Variants in FAM227B observed in about 807,000 individuals in gnomAD.
FAM227B encodes the protein family with sequence similarity 227 member B, also known as protein FAM227B.
Under a neutral mutation model 73.8 loss-of-function variants are expected in FAM227B, and 88 were observed. The observed-to-expected ratio is 1.19, with a 90% CI of 1.00 to 1.42. The LOEUF (loss-of-function observed/expected upper bound fraction) is 1.42. FAM227B is among the 40% of genes most tolerant of loss of function. The pLI is 0.00. For synonymous variants in FAM227B, 210 were observed against 190.5 expected (o/e 1.10, Z -0.84); for missense variants, 632 against 590.9 (o/e 1.07, Z -0.72).
rs1567245118 is a variant in FAM227B, at chr15:49,422,179, TGCACGC to T, written c.1013-50786_1013-50781del. Among the ~76,000 whole-genome samples the T allele has an allele frequency of 6.5e-3, 765 of 117,226 alleles. 6 individuals carry two copies. Among genetic ancestry groups the T allele is most frequent in the Middle Eastern group, 0.034 (7 of 206 alleles). 76.9% of individuals were successfully genotyped at this position (117,226 alleles called of 152,430 possible). On this transcript the variant is annotated intron_variant, in intron 11 of 15. Coordinates refer to ENST00000299338, the MANE Select transcript of FAM227B (RefSeq NM_152647.3). ...GTGTGTGTGTGCGCGCGCGCGCGCG[TGCACGC>T]GTGTGTGTTTTGAGGAGTATATAAC...
chr15:49,402,740 T>G (rs2048256023), intron 11 of FAM227B, among the ~76,000 whole-genome samples: 1 of 152,176 alleles, frequency 6.6e-6, no homozygotes, highest in South Asian at 2.1e-4. Flanking sequence ...GAAAGATAAT[T>G]TGACTTCCTC....
chr15:49,466,207 G>C (rs1483346694), intron 11 of FAM227B, among the ~76,000 whole-genome samples: 1 of 152,212 alleles, frequency 6.6e-6, no homozygotes, highest in Non-Finnish European at 1.5e-5. Flanking sequence ...CCTCAGACCT[G>C]TTGGATCAGA....
rs368402971 is a variant in FAM227B at position 49,568,589 on chromosome 15, T to C, written c.646-243A>G. Among the ~76,000 whole-genome samples, 40 of 152,048 alleles carry C rather than the reference T, an allele frequency of 2.6e-4. 1 individual carries two copies. The highest frequency in any genetic ancestry group is 9.7e-4 in the African/African-American group (40 of 41,438). The stretch of plus-strand genomic sequence containing the variant: ...GTCAAATGTAGGTAATATATACTTA[T>C]CTTAAAGGCGTGCAGTAAAATTAAA... On this transcript the variant is annotated intron_variant, in intron 8 of 15. Transcript: ENST00000299338.
chr15:49,391,177 G>GA (rs1256386101), intron 11 of FAM227B, among the ~76,000 whole-genome samples: 1 of 151,878 alleles, frequency 6.6e-6, no homozygotes, highest in African/African-American at 2.4e-5. Flanking sequence ...TATTAAGCAG[G>GA]AAAAAAACCA....
chr15:49,376,757 C>G (rs1555459804), intron 11 of FAM227B, among the ~76,000 whole-genome samples: 1 of 151,852 alleles, frequency 6.6e-6, no homozygotes. Flanking sequence ...TTTTTTCATT[C>G]ATTTAGGTCT....
chr15:49,418,986 T>G (rs143680122), intron 11 of FAM227B, among the ~76,000 whole-genome samples: 1 of 152,198 alleles, frequency 6.6e-6, no homozygotes, highest in Non-Finnish European at 1.5e-5. Flanking sequence ...AAGAGTTTTA[T>G]GTATGGCCAA....
At chr15:49,544,764 A>G (rs984521228) in intron 9 of FAM227B, among the ~76,000 whole-genome samples, 3 of 152,104 alleles carry the variant, frequency 2.0e-5, no homozygotes, top group Non-Finnish European at 2.9e-5. Flanking sequence ...TGAGATAAAC[A>G]TATGCTTTTT....
intron 14 of FAM227B, among the ~76,000 whole-genome samples, chr15:49,333,832 T>C (rs1022304269): frequency 5.3e-5 from 8 of 152,204 alleles, no homozygotes; most frequent in African/African-American, 1.7e-4. Flanking sequence ...TAGTTTAATT[T>C]ATAAAATAAA....
intron 6 of FAM227B, chr15:49,577,219 T>A: frequency 3.4e-6 from 1 of 297,496 alleles, no homozygotes. Context: ...ATCACTTGAA[T>A]CTGGGAGGCA....
At chr15:49,332,224 A>G (rs1248363276) in intron 14 of FAM227B, among the ~76,000 whole-genome samples, 2 of 152,152 alleles carry the variant, frequency 1.3e-5, no homozygotes, top group South Asian at 2.1e-4. Flanking sequence ...GCAGTGGCAC[A>G]TCCTCTTCAG....
chr15:49,569,260 A>AT (rs34834624), intron 8 of FAM227B, among the ~76,000 whole-genome samples: 16,186 of 151,728 alleles, frequency 0.11, 1,214 homozygotes, highest in East Asian at 0.36. Flanking sequence ...AGTCTTCCCT[A>AT]TTTTTTAATA....
At chr15:49,376,462 TATTTC>T (rs1355696703) in intron 11 of FAM227B, among the ~76,000 whole-genome samples, 2 of 152,084 alleles carry the variant, frequency 1.3e-5, no homozygotes, top group African/African-American at 4.8e-5. Flanking sequence ...CTCTCCAGTC[TATTTC>T]ATTTACCTAT....
At chr15:49,571,662 G>A (rs938067097) in intron 8 of FAM227B, among the ~76,000 whole-genome samples, 4 of 151,894 alleles carry the variant, frequency 2.6e-5, no homozygotes, top group South Asian at 2.1e-4. Context: ...TTGTAAACGC[G>A]TAGATTCATT....
intron 6 of FAM227B, 79 bp downstream of exon 6, chr15:49,577,550 T>C: frequency 1.2e-6 from 1 of 857,324 alleles, no homozygotes; most frequent in South Asian, 1.9e-5. Flanking sequence ...TAGAGCCTTG[T>C]TTATATTGTT....
chr15:49,507,882 A>T (rs2058696781), intron 11 of FAM227B, among the ~76,000 whole-genome samples: 1 of 152,130 alleles, frequency 6.6e-6, no homozygotes, highest in African/African-American at 2.4e-5. Flanking sequence ...GAAACCCTAA[A>T]GAAAACATAA....
At position 49,371,804 on chromosome 15, in the gene FAM227B, T is replaced by C. The variant is rs910839646; in HGVS notation, c.1013-405A>G. On this transcript the variant is annotated intron_variant, in intron 11 of 15. Transcript: ENST00000299338. ...ATAAATAAATGAAATAAAATTCACTTATAAATAAATGAAATAAAATTCACT... is the reference window on the plus strand; with the variant it reads ...ATAAATAAATGAAATAAAATTCACTCATAAATAAATGAAATAAAATTCACT... Among the ~76,000 whole-genome samples, 9 of 143,756 alleles carry C rather than the reference T, an allele frequency of 6.3e-5. No individual in the cohort carries two copies. The South Asian group carries it at 2.0e-3, about 32-fold the overall frequency. 94.3% of individuals were successfully genotyped at this position (143,756 alleles called of 152,430 possible).
chr15:49,422,371 C>T, intron 11 of FAM227B: 1 of 300,400 alleles, frequency 3.3e-6, no homozygotes, highest in Non-Finnish European at 5.6e-6. Context: ...ATAGCTTTCA[C>T]TTATTTACCT....
intron 11 of FAM227B, among the ~76,000 whole-genome samples, chr15:49,494,344 TA>T (rs2057409721): frequency 6.6e-6 from 1 of 151,698 alleles, no homozygotes. Flanking sequence ...CAAAGAAACG[TA>T]TATTGTCAAG....
At chr15:49,572,773 A>G (rs2075197988) in intron 8 of FAM227B, among the ~76,000 whole-genome samples, 1 of 152,096 alleles carries the variant, frequency 6.6e-6, no homozygotes, top group African/African-American at 2.4e-5. Flanking sequence ...GCTGGACTCA[A>G]GTCAAGTAAT....
Sources: gnomAD v4.1 joint callset for allele counts (sites outside exome capture counted in the v4.1 genomes callset) on GRCh38, gnomAD v4.1.1 for gene constraint, MANE v1.5 for transcripts, NCBI Gene and HGNC (gene_info 2026-07-23, HGNC 2026-07-21) for gene names.